GRK4: variants seen among roughly 807,000 people sequenced by gnomAD.
The protein encoded by GRK4 is G protein-coupled receptor kinase 2-like.
In GRK4, 73 loss-of-function variants were observed where a neutral mutation model predicts 77.9. That is an observed-to-expected ratio of 0.94 (90% CI 0.78 to 1.14). GRK4 has a LOEUF of 1.14. GRK4 is among the 50% of genes most tolerant of loss of function. GRK4 has a pLI of 0.00. For synonymous variants in GRK4, 257 were observed against 254.4 expected, an observed-to-expected ratio of 1.01 and a Z score of -0.10; for missense variants, 729 against 700.2, an observed-to-expected ratio of 1.04 and a Z score of -0.46.
At chr4:2,997,309 G>A in intron 4 of GRK4, among the ~76,000 whole-genome samples, 1 of 151,930 alleles carries the variant, frequency 6.6e-6, no homozygotes, top group Non-Finnish European at 1.5e-5. Context: ...CATATTAATA[G>A]AATAAAATAT....
intron 10 of GRK4, 83 bp downstream of exon 10, chr4:3,022,534 C>A: frequency 8.3e-7 from 1 of 1,208,578 alleles, no homozygotes; most frequent in Non-Finnish European, 1.2e-6. Flanking sequence ...AGAAAGTGGA[C>A]TTAATGATTA....
intron 4 of GRK4, 152 bp downstream of exon 4, chr4:2,992,444 C>G (rs1345908082): frequency 1.9e-6 from 1 of 539,654 alleles, no homozygotes; most frequent in East Asian, 3.3e-5. Flanking sequence ...CTTCGGGAGG[C>G]TGAGGAAGGA....
chr4:3,004,140 G>A, intron 4 of GRK4, 91 bp from the exon 5 acceptor site: 2 of 952,080 alleles, frequency 2.1e-6, no homozygotes, highest in East Asian at 2.4e-5. Flanking sequence ...TACACTTTGT[G>A]TTTCATTTTT....
intron 7 of GRK4, among the ~76,000 whole-genome samples, chr4:3,010,399 G>A (rs772758338): frequency 1.1e-4 from 17 of 152,004 alleles, no homozygotes; most frequent in African/African-American, 2.7e-4. Context: ...GCTAATTTTC[G>A]TATTTTTAGT....
At position 3,037,382 on chromosome 4, in the gene GRK4, C is replaced by G. The variant is rs745433571; in HGVS notation, c.1416C>G (p.Ala472=). Residue 472 remains alanine (A), a synonymous_variant, in exon 14 of 16, where the codon GCC becomes GCG. Coordinates refer to ENST00000398052, the MANE Select transcript of GRK4 (RefSeq NM_182982.3). The part of the protein sequence containing the change: ...LEPPFCPDPH[A]VYCKDVLDIE... ...CTGTTCTTGCTACACAGCCTCATGCCGTTTACTGTAAGGACGTCCTGGATA... is the reference window on the plus strand; with the variant it reads ...CTGTTCTTGCTACACAGCCTCATGCGGTTTACTGTAAGGACGTCCTGGATA... The G allele has an allele frequency of 6.3e-7, 1 of 1,597,568 alleles. No homozygotes were observed. Among genetic ancestry groups the G allele is most frequent in the South Asian group, 1.1e-5 (1 of 90,304 alleles).
At chr4:3,012,843 A>C (rs1733292900) in intron 7 of GRK4, among the ~76,000 whole-genome samples, 1 of 152,174 alleles carries the variant, frequency 6.6e-6, no homozygotes, top group African/African-American at 2.4e-5. Context: ...AAATTAAAAA[A>C]TCAAGAATCT....
chr4:2,996,892 A>C (rs1045299953), intron 4 of GRK4, among the ~76,000 whole-genome samples: 1 of 152,108 alleles, frequency 6.6e-6, no homozygotes, highest in African/African-American at 2.4e-5. Context: ...TTAAAACAGC[A>C]AGAATAAACT....
At position 2,971,767 on chromosome 4, in the gene GRK4, G is replaced by T. The variant is rs190399919; in HGVS notation, c.52+7645G>T. ...GGCTGTGAGGAAGAATCTGTCGCAG[G>T]CCTCTCTCCCAGCCTCTGCTGGCTC... On this transcript the variant is annotated intron_variant, in intron 1 of 15. Coordinates refer to ENST00000398052, the MANE Select transcript of GRK4 (RefSeq NM_182982.3). Among the ~76,000 whole-genome samples the T allele has an allele frequency of 3.3e-3, 499 of 152,292 alleles. 5 individuals are homozygous for T. The highest frequency in any genetic ancestry group is 8.5e-3 in the African/African-American group (353 of 41,552).
intron 11 of GRK4, among the ~76,000 whole-genome samples, 188 bp from the exon 12 acceptor site, chr4:3,029,013 C>T (rs1224849679): frequency 6.6e-6 from 1 of 152,226 alleles, no homozygotes; most frequent in Non-Finnish European, 1.5e-5. Flanking sequence ...CTCAGGTGAT[C>T]TGCCTGCCTT....
chr4:2,982,149 G>T (rs1469735955), intron 1 of GRK4, among the ~76,000 whole-genome samples: 1 of 152,250 alleles, frequency 6.6e-6, no homozygotes, highest in Non-Finnish European at 1.5e-5. Context: ...AGCAGCTGTG[G>T]CTGGGTGGCT....
chr4:2,967,473 A>T (rs1038190368), intron 1 of GRK4, among the ~76,000 whole-genome samples: 13 of 152,022 alleles, frequency 8.6e-5, no homozygotes, highest in Admixed American at 1.3e-4. Context: ...TGATCTCAGC[A>T]CACTGCAACC....
intron 1 of GRK4, among the ~76,000 whole-genome samples, chr4:2,983,966 T>G (rs1202582153): frequency 6.6e-6 from 1 of 151,968 alleles, no homozygotes; most frequent in Admixed American, 6.6e-5. Flanking sequence ...TCATGAGAAC[T>G]CCCTCATTAT....
chr4:2,997,886 T>C (rs12643541), intron 4 of GRK4, among the ~76,000 whole-genome samples: 57,603 of 145,658 alleles, frequency 0.4, 12,189 homozygotes, highest in African/African-American at 0.55. Flanking sequence ...CCAGCCTGGA[T>C]GACAGAGTGA....
intron 8 of GRK4, among the ~76,000 whole-genome samples, chr4:3,018,932 T>C (rs1735295887): frequency 1.3e-5 from 2 of 152,116 alleles, no homozygotes; most frequent in Non-Finnish European, 2.9e-5. Context: ...TGTTCCCAGA[T>C]TGGAAGACCC....
At chr4:3,012,499 T>C (rs1309084174) in intron 7 of GRK4, among the ~76,000 whole-genome samples, 4 of 152,238 alleles carry the variant, frequency 2.6e-5, no homozygotes, top group African/African-American at 9.6e-5. Context: ...ACTTCCAATA[T>C]TTTCCACAAT....
intron 1 of GRK4, among the ~76,000 whole-genome samples, chr4:2,968,283 G>A (rs1718402128): frequency 6.6e-6 from 1 of 152,154 alleles, no homozygotes; most frequent in Non-Finnish European, 1.5e-5. Flanking sequence ...TGCATTTAAT[G>A]TGGGTTTTGG....
chr4:2,991,709 AC>A (rs764580661), intron 3 of GRK4, among the ~76,000 whole-genome samples: 1 of 151,742 alleles, frequency 6.6e-6, no homozygotes, highest in Non-Finnish European at 1.5e-5. Context: ...ACGGGTTTTC[AC>A]TATGTTGGCC....
chr4:3,002,269 A>G (rs1008007483), intron 4 of GRK4, among the ~76,000 whole-genome samples: 2 of 152,084 alleles, frequency 1.3e-5, no homozygotes, highest in African/African-American at 4.8e-5. Context: ...CAGTCACTCA[A>G]GAAAGTGGGG....
intron 1 of GRK4, among the ~76,000 whole-genome samples, chr4:2,969,637 A>G (rs1321573675): frequency 6.6e-6 from 1 of 151,346 alleles, no homozygotes; most frequent in Non-Finnish European, 1.5e-5. Flanking sequence ...CGGCCTCCCA[A>G]AGTGCTAGGA....
Sources: allele counts gnomAD v4.1 joint callset (sites outside exome capture counted in the v4.1 genomes callset), GRCh38; gene constraint gnomAD v4.1.1; transcripts MANE v1.5; gene names NCBI Gene and HGNC (gene_info 2026-07-23, HGNC 2026-07-21).